Variants in SBF1 observed in about 807,000 individuals in gnomAD.
The protein encoded by SBF1 is myotubularin-related protein 5.
SBF1 carries 65 observed loss-of-function variants against 215.8 expected under a neutral mutation model. The ratio of observed to expected loss-of-function variants is 0.30; its 90% CI spans 0.25 to 0.37. The LOEUF is 0.37. Among genes scored for constraint, SBF1 ranks in the 10% least tolerant of loss-of-function variants. The pLI, the probability that SBF1 is intolerant of heterozygous loss-of-function variation, is 1.00. For synonymous variants in SBF1, 1,410 were observed against 1,122.8 expected (o/e 1.26, Z -5.11); for missense variants, 2,634 against 2,667.8 (o/e 0.99, Z 0.28).
chr22:50,474,606 G>A (rs2068109280), intron 1 of SBF1, among the ~76,000 whole-genome samples, 180 bp downstream of exon 1: 1 of 142,192 alleles, frequency 7.0e-6, no homozygotes, highest in Non-Finnish European at 1.5e-5. Context: ...CCCGACCCCG[G>A]CCCTCAGCGC....
intron 10 of SBF1, 124 bp downstream of exon 10, chr22:50,465,634 GGCTCC>G: frequency 1.1e-6 from 1 of 877,778 alleles, no homozygotes; most frequent in Non-Finnish European, 1.7e-6. Context: ...TTTGCTCCCA[GGCTCC>G]TGCTTCTGCT....
chr22:50,461,753 G>A (rs1490792934), intron 21 of SBF1, 35 bp from the exon 22 acceptor site: 1 of 1,610,890 alleles, frequency 6.2e-7, no homozygotes, highest in South Asian at 1.1e-5. Flanking sequence ...TCAGGATGCA[G>A]CCCGGGCCTT....
chr22:50,468,035 G>T, intron 2 of SBF1, 112 bp from the exon 3 acceptor site: 1 of 1,363,278 alleles, frequency 7.3e-7, no homozygotes, highest in Non-Finnish European at 1.0e-6. Flanking sequence ...CACACAGGCA[G>T]CTCCTTGCTT....
chr22:50,455,691 TC>T, intron 31 of SBF1, 109 bp from the exon 32 acceptor site: 1 of 879,604 alleles, frequency 1.1e-6, no homozygotes, highest in Non-Finnish European at 1.8e-6. Flanking sequence ...GCAGGCCCTG[TC>T]CACAGCCCCC....
At position 50,468,279 on chromosome 22, in the gene SBF1, G is replaced by A. The variant is rs554042350; in HGVS notation, c.141+97C>T. The A allele has an allele frequency of 6.7e-5, 79 of 1,175,302 alleles. No individual in the cohort carries two copies. In the African/African-American group the frequency reaches 6.9e-4, roughly 10 times the overall value. 72.8% of individuals were successfully genotyped at this position (1,175,302 alleles called of 1,614,324 possible). A position where few individuals can be genotyped will look rare whatever the true frequency, so the allele number is the denominator to read the frequency against. On this transcript the variant is annotated intron_variant, in intron 2 of 40. Transcript: ENST00000380817. ...CTTGTCCCTAGCCCAGCGGGGGGCCGGGCACTGTGGAGGCCCCTCAGTCAG... is the reference window on the plus strand; with the variant it reads ...CTTGTCCCTAGCCCAGCGGGGGGCCAGGCACTGTGGAGGCCCCTCAGTCAG...
rs548786259 is a variant in SBF1 at position 50,460,612 on chromosome 22, G to C, written c.3068C>G (p.Thr1023Ser). The change falls in exon 24 of 41, where the codon ACC (threonine) becomes AGC (serine). Residue 1023 changes from threonine to serine, a missense_variant. Transcript: ENST00000380817. ...KLRYPPDIRA[T>S]FAFTLGSAHT... ...GGCAGAGCCCAAGGTGAACGCAAAG[G>C]TGGCCCTGATGTCCGGCGGGTACCG... The C allele has an allele frequency of 4.3e-6, 7 of 1,614,130 alleles. No homozygotes were observed. Among genetic ancestry groups the C allele is most frequent in the African/African-American group, 1.3e-5 (1 of 75,062 alleles).
Position 50,456,213 on chromosome 22 carries a change from G to A in SBF1, c.4266+3C>T, listed in dbSNP as rs1015318115. On this transcript the variant is annotated splice_donor_region_variant and intron_variant, in intron 31 of 40. Coordinates refer to ENST00000380817, the MANE Select transcript of SBF1 (RefSeq NM_002972.4). The stretch of plus-strand genomic sequence containing the variant: ...GGGCAGAGGGACGGGGCAGTGCAGA[G>A]ACCTGGATCAGCCACTCTGAGTCCT... 5 of 1,611,288 alleles carry A rather than the reference G, an allele frequency of 3.1e-6. No homozygotes were observed. Among genetic ancestry groups the A allele is most frequent in the Admixed American group, 1.7e-5 (1 of 59,996 alleles).
chr22:50,471,108 G>A (rs1336700128), intron 1 of SBF1, among the ~76,000 whole-genome samples: 1 of 152,220 alleles, frequency 6.6e-6, no homozygotes. Flanking sequence ...CAGGAGGGAG[G>A]GTGCCCTCCC....
rs573282045 is a variant in SBF1 at position 50,446,223 on chromosome 22, C to T, written c.*919G>A. The T allele has an allele frequency of 6.6e-6, 1 of 152,430 alleles. No individual in the cohort carries two copies. The highest frequency in any genetic ancestry group is 1.9e-4 in the East Asian group (1 of 5,182). The allele number at this position is 152,430 out of a possible 1,614,324, so 9.4% of individuals were successfully genotyped here. ...GCCCTCTGAGACCCCAGGGAAAGGA[C>T]TTTTGGGGCAGAATTCCCAAGAACT... On this transcript the variant is annotated 3_prime_UTR_variant, in exon 41 of 41. Transcript: ENST00000380817.
rs769202141 is a variant in SBF1 at position 50,462,271 on chromosome 22, C to A, written c.2330G>T (p.Arg777Leu). The A allele has an allele frequency of 1.9e-6, 3 of 1,612,006 alleles. No homozygotes were observed. Among genetic ancestry groups the A allele is most frequent in the Non-Finnish European group, 2.5e-6 (3 of 1,180,000 alleles). The stretch of plus-strand genomic sequence containing the variant: ...CAGCCCGGCACGCTCCCGAAGTAGG[C>A]GGCTCTTGCTGCTGTCCAGGGGCAG... ...LLLPLDSSKS[R>L]LLRERAGLGD... The change falls in exon 19 of 41, where the codon CGC becomes CTC. Residue 777 changes from arginine to leucine, a missense_variant. Arg to Leu is a moderately radical substitution (Grantham distance 102). Transcript: ENST00000380817.
chr22:50,463,220 T>C (rs1443125941), intron 16 of SBF1, 63 bp downstream of exon 16: 4 of 1,592,506 alleles, frequency 2.5e-6, no homozygotes, highest in Non-Finnish European at 3.4e-6. Context: ...CAGACCAGGG[T>C]CTGCCCGCCT....
Position 50,464,413 on chromosome 22 carries a change from C to T in SBF1, c.1665G>A (p.Leu555=), listed in dbSNP as rs1417277547. ...MTAILERCSG[L]HVNSARRLEV... ...CCAGCCGCCGGGCGCTGTTGACATG[C>T]AGCCCACTGCACCGCTCCAGTATGG... The change falls in exon 15 of 41, where the codon CTG becomes CTA. Residue 555 remains leucine, a synonymous_variant. Transcript: ENST00000380817. 1 of 1,613,926 alleles carries T rather than the reference C, an allele frequency of 6.2e-7. No individual in the cohort carries two copies. Among genetic ancestry groups the T allele is most frequent in the African/African-American group, 1.3e-5 (1 of 74,958 alleles).
In SBF1 at chr22:50,445,151, C is replaced by T. The variant is rs2066728350; in HGVS notation, c.*1991G>A. ...GCCCGGCCAGGGGTGGGAGAGTCTC[C>T]TCCAGCACCTCTTTTGTGGGCCCGC... On this transcript the variant is annotated 3_prime_UTR_variant, in exon 41 of 41. Coordinates refer to ENST00000380817, the MANE Select transcript of SBF1 (RefSeq NM_002972.4). The T allele has an allele frequency of 6.6e-6, 1 of 152,544 alleles. No individual in the cohort carries two copies. Among genetic ancestry groups the T allele is most frequent in the Non-Finnish European group, 1.5e-5 (1 of 68,150 alleles). The allele number at this position is 152,544 out of a possible 1,614,324, so 9.4% of individuals were successfully genotyped here. A position where few individuals can be genotyped will look rare whatever the true frequency, so the allele number is the denominator to read the frequency against.
At position 50,467,701 on chromosome 22, in the gene SBF1, TCAGGGGGAGACGGGGG is replaced by T. The variant is rs2067831480; in HGVS notation, c.280-27_280-12del. 2 of 1,524,354 alleles carry T rather than the reference TCAGGGGGAGACGGGGG, an allele frequency of 1.3e-6. No individual in the cohort carries two copies. Among genetic ancestry groups the T allele is most frequent in the Non-Finnish European group, 1.8e-6 (2 of 1,115,782 alleles). The allele number at this position is 1,524,354 out of a possible 1,614,324, so 94.4% of individuals were successfully genotyped here. On this transcript the variant is annotated splice_polypyrimidine_tract_variant and intron_variant, in intron 3 of 40. Coordinates refer to ENST00000380817, the MANE Select transcript of SBF1 (RefSeq NM_002972.4). ...CACGCGCGTCGTTTCCTGCTGGGGGTCAGGGGGAGACGGGGGCAGGGGGAGTTGGCCACGGCCCAAG... is the reference window on the plus strand; with the variant it reads ...CACGCGCGTCGTTTCCTGCTGGGGGTCAGGGGGAGTTGGCCACGGCCCAAG...
rs779774795 is a variant in SBF1 at position 50,464,524 on chromosome 22, C to T, written c.1636+10G>A. 1.9e-6 allele frequency: 3 copies of T among 1,606,260 alleles called. No individual in the cohort carries two copies. Among genetic ancestry groups the T allele is most frequent in the Non-Finnish European group, 2.6e-6 (3 of 1,175,302 alleles). ...GCTCGGGGCCTGCCTTCCCCTCCCT[C>T]ATTACGCACTCATGGGGGGCCCTGA... On this transcript the variant is annotated intron_variant, in intron 14 of 40. Transcript: ENST00000380817.
In SBF1 at chr22:50,447,534, C is replaced by T. The variant is rs1005620331; in HGVS notation, c.5439G>A (p.Lys1813=). Residue 1813 remains lysine, a synonymous_variant, in exon 39 of 41, where the codon AAG becomes AAA. Transcript: ENST00000380817. ...PWKARWFVLD[K]TKHQLRYYDH... ...CCTGATCACTCACCTGGTGCTTGGT[C>T]TTGTCCAGCACGAACCAGCGGGCCT... The T allele has an allele frequency of 3.9e-6, 6 of 1,542,370 alleles. No individual in the cohort carries two copies. Among genetic ancestry groups the T allele is most frequent in the Non-Finnish European group, 5.3e-6 (6 of 1,136,768 alleles).
intron 36 of SBF1, among the ~76,000 whole-genome samples, chr22:50,449,655 CA>C (rs1294465750): frequency 4.2e-4 from 63 of 149,154 alleles, no homozygotes; most frequent in African/African-American, 1.5e-3. Context: ...CACACACACA[CA>C]CCCCAAAATG....
chr22:50,467,533 C>T lies in SBF1; in HGVS notation c.437G>A (p.Arg146Lys). The change falls in exon 4 of 41, where the codon AGG becomes AAG. Residue 146 changes from arginine to lysine, a missense_variant and splice_region_variant. Arg to Lys is a conservative substitution (Grantham distance 26). Transcript: ENST00000380817. ...VSRLDHTEVF[R>K]NSLGLIYAIH... The stretch of plus-strand genomic sequence containing the variant: ...CGCCGCCCCGGCTGCCGGCCTCACC[C>T]TGAACACCTCCGTGTGGTCGAGTCG... 6.2e-7 allele frequency: 1 copy of T among 1,614,106 alleles called. No homozygotes were observed.
chr22:50,462,461 C>T lies in SBF1; in HGVS notation c.2140G>A (p.Ala714Thr). 1 of 1,613,536 alleles carries T rather than the reference C, an allele frequency of 6.2e-7. No individual in the cohort carries two copies. Among genetic ancestry groups the T allele is most frequent in the Non-Finnish European group, 8.5e-7 (1 of 1,179,882 alleles). ...DLAPAQEVGE[A>T]PSQEDERSAL... ...GAGCGCTCGTCCTCCTGGGAAGGTG[C>T]CTCCCCAACCTCCTGCCACGGCACC... The change falls in exon 19 of 41, where the codon GCA becomes ACA. Residue 714 changes from alanine (A) to threonine (T), a missense_variant. Coordinates refer to ENST00000380817, the MANE Select transcript of SBF1 (RefSeq NM_002972.4).
Sources: gnomAD v4.1 joint callset for allele counts (sites outside exome capture counted in the v4.1 genomes callset) on GRCh38, gnomAD v4.1.1 for gene constraint, MANE v1.5 for transcripts, NCBI Gene and HGNC (gene_info 2026-07-23, HGNC 2026-07-21) for gene names.